ATRNL1: variants seen among roughly 807,000 people sequenced by gnomAD.
ATRNL1 encodes attractin-like protein 1.
Under a neutral mutation model 182.7 loss-of-function variants are expected in ATRNL1, and 95 were observed. The observed-to-expected ratio is 0.52, with a 90% CI of 0.44 to 0.62. The LOEUF is 0.62. Among genes scored for constraint, ATRNL1 ranks in the 20% least tolerant of loss-of-function variants. The probability of loss-of-function intolerance (pLI) is 0.00; values close to 1 mark genes in which losing one functional copy is unlikely to be tolerated. For missense variants in ATRNL1, 1,471 were observed against 1,679.5 expected (o/e 0.88, Z 2.17); for synonymous variants, 576 against 568.3 (o/e 1.01, Z -0.19).
chr10:115,947,873 C>A lies in ATRNL1; in HGVS notation c.*3094C>A, dbSNP rs782283368. 6.6e-6 allele frequency: 1 copy of A among 152,148 alleles called. No homozygotes were observed. Among genetic ancestry groups the A allele is most frequent in the Admixed American group, 6.5e-5 (1 of 15,278 alleles). 9.4% of individuals were successfully genotyped at this position (152,148 alleles called of 1,614,324 possible). On this transcript the variant is annotated 3_prime_UTR_variant, in exon 29 of 29. Coordinates refer to ENST00000355044, the MANE Select transcript of ATRNL1 (RefSeq NM_207303.4). ...GCCTCAGCCTTCCATCTGTAAAGGG[C>A]GGTAATGGTGCCCACCTTTCGAGGC... is the stretch of plus-strand genomic sequence containing the variant.
intron 13 of ATRNL1, among the ~76,000 whole-genome samples, chr10:115,270,163 G>A (rs1851780548): frequency 6.7e-6 from 1 of 149,006 alleles, no homozygotes; most frequent in Admixed American, 6.8e-5. Context: ...GGGAATCAGG[G>A]ACTTGTATTA....
chr10:115,276,980 T>C (rs1159895337), intron 13 of ATRNL1, among the ~76,000 whole-genome samples: 2 of 152,124 alleles, frequency 1.3e-5, no homozygotes, highest in Non-Finnish European at 2.9e-5. Flanking sequence ...AAAACTATTA[T>C]TCTTTTTCTT....
At chr10:115,840,819 G>C (rs1555096860) in intron 27 of ATRNL1, among the ~76,000 whole-genome samples, 2 of 152,012 alleles carry the variant, frequency 1.3e-5, no homozygotes, top group African/African-American at 4.8e-5. Context: ...ATGTTGGCAA[G>C]AAGTCTACGT....
intron 26 of ATRNL1, among the ~76,000 whole-genome samples, chr10:115,559,452 G>GCGCGCT (rs1421561716): frequency 7.8e-6 from 1 of 127,452 alleles, no homozygotes; most frequent in East Asian, 2.1e-4. Context: ...GTGCGCGCGC[G>GCGCGCT]CACGCACGCA....
intron 19 of ATRNL1, among the ~76,000 whole-genome samples, chr10:115,360,563 T>TA (rs1856694816): frequency 6.6e-6 from 1 of 151,546 alleles, no homozygotes; most frequent in Non-Finnish European, 1.5e-5. Flanking sequence ...TAGATTTTAT[T>TA]CAGATTGTGC....
At chr10:115,463,723 T>A (rs1449878943) in intron 22 of ATRNL1, among the ~76,000 whole-genome samples, 4 of 152,092 alleles carry the variant, frequency 2.6e-5, no homozygotes, top group African/African-American at 9.7e-5. Context: ...TTAATTGGCT[T>A]ACTCTAGGTA....
chr10:115,779,431 T>C (rs1949208713), intron 27 of ATRNL1, among the ~76,000 whole-genome samples: 1 of 152,192 alleles, frequency 6.6e-6, no homozygotes, highest in African/African-American at 2.4e-5. Context: ...TTAATATTTA[T>C]AATTGAGCAT....
intron 24 of ATRNL1, among the ~76,000 whole-genome samples, chr10:115,512,077 A>G (rs1554982784): frequency 6.6e-6 from 1 of 151,950 alleles, no homozygotes. Flanking sequence ...ACTTGTGTAA[A>G]CATGTCATAT....
chr10:115,842,449 T>C (rs1950832182), intron 27 of ATRNL1, among the ~76,000 whole-genome samples: 1 of 152,018 alleles, frequency 6.6e-6, no homozygotes, highest in Admixed American at 6.6e-5. Flanking sequence ...ATTCTGGAGG[T>C]TGTCCATAAA....
At chr10:115,297,191 G>A (rs1005022825) in intron 15 of ATRNL1, among the ~76,000 whole-genome samples, 1 of 152,172 alleles carries the variant, frequency 6.6e-6, no homozygotes, top group Admixed American at 6.5e-5. Flanking sequence ...GAGGTAGCAT[G>A]TAGGAGAGAC....
At position 115,658,579 on chromosome 10, in the gene ATRNL1, A is replaced by C. The variant is rs180924760; in HGVS notation, c.3796-68669A>C. Among the ~76,000 whole-genome samples, 4 of 152,222 alleles carry C rather than the reference A, an allele frequency of 2.6e-5. No individual in the cohort carries two copies. The East Asian group carries it at 7.7e-4, about 29-fold the overall frequency. On this transcript the variant is annotated intron_variant, in intron 26 of 28. Coordinates refer to ENST00000355044, the MANE Select transcript of ATRNL1 (RefSeq NM_207303.4). The stretch of plus-strand genomic sequence containing the variant: ...TCAAATTAGCAGCATTCTCCACTGA[A>C]GGAGGGAGAGTTCCAGGGGGTATAG...
intron 19 of ATRNL1, among the ~76,000 whole-genome samples, chr10:115,348,913 A>T (rs1554940494): frequency 6.6e-6 from 1 of 152,196 alleles, no homozygotes. Flanking sequence ...AAATCTGGGT[A>T]ACTGAAATAT....
chr10:115,696,937 A>G lies in ATRNL1; in HGVS notation c.3796-30311A>G, dbSNP rs1371149940. The stretch of plus-strand genomic sequence containing the variant: ...GGGGGAAATGCCACACTTTAAAACC[A>G]TCAGATCTCATGAGAACACAGTCAC... On this transcript the variant is annotated intron_variant, in intron 26 of 28. Transcript: ENST00000355044. 2.0e-5 allele frequency among the ~76,000 whole-genome samples: 3 copies of G among 151,778 alleles called. No individual in the cohort carries two copies. The East Asian group carries it at 5.8e-4, about 29-fold the overall frequency.
chr10:115,427,586 T>C (rs949548949), intron 21 of ATRNL1, among the ~76,000 whole-genome samples: 1 of 152,140 alleles, frequency 6.6e-6, no homozygotes, highest in Admixed American at 6.5e-5. Context: ...ATGGTCCATT[T>C]TGAATTAATA....
intron 19 of ATRNL1, among the ~76,000 whole-genome samples, chr10:115,341,717 T>G (rs1855760493): frequency 6.6e-6 from 1 of 152,190 alleles, no homozygotes; most frequent in Admixed American, 6.5e-5. Context: ...TACATATGTT[T>G]AAAACTGTTA....
chr10:115,409,610 T>C (rs1301532318), intron 20 of ATRNL1, among the ~76,000 whole-genome samples: 1 of 152,122 alleles, frequency 6.6e-6, no homozygotes, highest in African/African-American at 2.4e-5. Flanking sequence ...CTATGTTGGA[T>C]AAGCATGGTG....
intron 28 of ATRNL1, among the ~76,000 whole-genome samples, chr10:115,888,660 TA>T (rs2134457243): frequency 6.6e-6 from 1 of 152,366 alleles, no homozygotes; most frequent in East Asian, 1.9e-4. Context: ...CTCTCTGTAT[TA>T]ATCAACGTAA....
At chr10:115,609,477 TTAAA>T (rs1555018376) in intron 26 of ATRNL1, among the ~76,000 whole-genome samples, 1 of 152,228 alleles carries the variant, frequency 6.6e-6, no homozygotes, top group Non-Finnish European at 1.5e-5. Context: ...TTAAAAACTA[TTAAA>T]TAACCGAATA....
At chr10:115,351,742 G>GTGTTT (rs61367511) in intron 19 of ATRNL1, among the ~76,000 whole-genome samples, 9,590 of 149,822 alleles carry the variant, frequency 0.064, 915 homozygotes, top group African/African-American at 0.21. Flanking sequence ...TTCTTTTCTT[G>GTGTTT]TGTTTTGTTT....
Sources: allele counts gnomAD v4.1 joint callset (sites outside exome capture counted in the v4.1 genomes callset), GRCh38; gene constraint gnomAD v4.1.1; transcripts MANE v1.5; gene names NCBI Gene and HGNC (gene_info 2026-07-23, HGNC 2026-07-21).